MYH10: variants seen among roughly 807,000 people sequenced by gnomAD.
MYH10 encodes myosin heavy chain 10, also known as myosin-10.
MYH10 carries 55 observed loss-of-function variants against 257.8 expected under a neutral mutation model. The ratio of observed to expected loss-of-function variants is 0.21; its 90% CI spans 0.17 to 0.27. The LOEUF (loss-of-function observed/expected upper bound fraction) is 0.27, where lower values mean the gene tolerates loss of function less well. Among genes scored for constraint, MYH10 ranks in the 10% least tolerant of loss-of-function variants. MYH10 has a pLI of 1.00. For missense variants in MYH10, 1,631 were observed against 2,500.6 expected, an observed-to-expected ratio of 0.65 and a Z score of 7.42; for synonymous variants, 854 against 921.7, an observed-to-expected ratio of 0.93 and a Z score of 1.33.
At position 8,518,660 on chromosome 17, in the gene MYH10, C is replaced by T. The variant is rs999413498; in HGVS notation, c.2475G>A (p.Gln825=). The T allele has an allele frequency of 1.2e-6, 2 of 1,613,638 alleles. No homozygotes were observed. Among genetic ancestry groups the T allele is most frequent in the East Asian group, 2.2e-5 (1 of 44,884 alleles). ...TGGCCAGGTAACCTCTGCAAACGGC[C>T]TGGAAGAAGATAATGATATCGGTGA... ...LKITDIIIFF[Q]AVCRGYLARK... The change falls in exon 21 of 43, where the codon CAG becomes CAA. Residue 825 remains glutamine, a synonymous_variant. Coordinates refer to ENST00000360416, the MANE Select transcript of MYH10 (RefSeq NM_001256012.3).
Position 8,484,230 on chromosome 17 carries a change from C to T in MYH10, c.5083G>A (p.Ala1695Thr). The T allele has an allele frequency of 6.2e-7, 1 of 1,613,010 alleles. No individual in the cohort carries two copies. Among genetic ancestry groups the T allele is most frequent in the Non-Finnish European group, 8.5e-7 (1 of 1,179,558 alleles). ...MKDYQRELEE[A>T]RASRDEIFAQ... ...AAAATCTCATCTCTGGATGCACGAG[C>T]TTCTTCTAATTCACGTTGGTAATCC... The change falls in exon 37 of 43, where the codon GCT becomes ACT. Residue 1695 changes from alanine (A) to threonine (T), a missense_variant. Ala to Thr is a moderately conservative substitution (Grantham distance 58). Coordinates refer to ENST00000360416, the MANE Select transcript of MYH10 (RefSeq NM_001256012.3).
intron 7 of MYH10, chr17:8,561,143 A>G (rs2082979186): frequency 1.6e-6 from 1 of 624,150 alleles, no homozygotes; most frequent in Non-Finnish European, 2.8e-6. Context: ...GGATTATAAA[A>G]TAAAAACTCA....
chr17:8,595,071 T>A (rs1340207650), intron 3 of MYH10, among the ~76,000 whole-genome samples: 1 of 152,174 alleles, frequency 6.6e-6, no homozygotes, highest in Non-Finnish European at 1.5e-5. Flanking sequence ...TATAATGGAC[T>A]ATTACTCAGC....
rs138894418 is a variant in MYH10 at position 8,485,457 on chromosome 17, C to CTT, written c.5047-1193_5047-1192dup. The stretch of plus-strand genomic sequence containing the variant: ...AATAAACTATCAAAACCCAAGCTGG[C>CTT]TTTTTTTTTTTTTTTTTTTGGTGGC... On this transcript the variant is annotated intron_variant, in intron 36 of 42. Coordinates refer to ENST00000360416, the MANE Select transcript of MYH10 (RefSeq NM_001256012.3). 6.3e-3 allele frequency among the ~76,000 whole-genome samples: 769 copies of CTT among 121,118 alleles called. 10 individuals are homozygous for CTT. The highest frequency in any genetic ancestry group is 0.032 in the Middle Eastern group (7 of 222). 79.5% of individuals were successfully genotyped at this position (121,118 alleles called of 152,430 possible).
intron 25 of MYH10, among the ~76,000 whole-genome samples, chr17:8,509,580 C>A (rs936928630): frequency 1.3e-5 from 2 of 152,132 alleles, no homozygotes; most frequent in African/African-American, 4.8e-5. Context: ...ACAAACTGCA[C>A]ATGTTACAAG....
At chr17:8,560,098 T>A (rs973461034) in intron 7 of MYH10, among the ~76,000 whole-genome samples, 8 of 152,338 alleles carry the variant, frequency 5.3e-5, no homozygotes, top group Admixed American at 2.6e-4. Context: ...TCCAGTAATA[T>A]AAACTTTTAG....
intron 23 of MYH10, among the ~76,000 whole-genome samples, chr17:8,512,993 G>C (rs1332644133): frequency 6.6e-6 from 1 of 152,158 alleles, no homozygotes; most frequent in Non-Finnish European, 1.5e-5. Flanking sequence ...TGCCTGTTTG[G>C]TAGTAAGTGA....
At chr17:8,514,035 G>A (rs2081382350) in intron 21 of MYH10, 141 bp from the exon 22 acceptor site, 6 of 767,994 alleles carry the variant, frequency 7.8e-6, no homozygotes, top group Admixed American at 2.7e-5. Flanking sequence ...TGGGTGAGAC[G>A]CACAAGGAAG....
In MYH10 at chr17:8,495,870, C is replaced by T. The variant is rs188262017; in HGVS notation, c.3952-629G>A. Among the ~76,000 whole-genome samples, 632 of 152,110 alleles carry T rather than the reference C, an allele frequency of 4.2e-3. 6 individuals are homozygous for T. Among genetic ancestry groups the T allele is most frequent in the African/African-American group, 0.014 (580 of 41,512 alleles). ...GATTACAGGCGCTTGCTACCGCGCC[C>T]GTCTAATTTTTTGTATCTTTAGTAG... On this transcript the variant is annotated intron_variant, in intron 30 of 42. Transcript: ENST00000360416.
intron 11 of MYH10, 116 bp from the exon 12 acceptor site, chr17:8,546,778 A>C (rs1360006105): frequency 1.5e-6 from 1 of 683,606 alleles, no homozygotes; most frequent in African/African-American, 1.8e-5. Context: ...AGAAATAAAT[A>C]AAAGTCTTAA....
intron 38 of MYH10, 190 bp from the exon 39 acceptor site, chr17:8,480,715 C>T: frequency 1.4e-6 from 1 of 704,640 alleles, no homozygotes; most frequent in Non-Finnish European, 2.4e-6. Flanking sequence ...CCCTCCCCCG[C>T]TGCCACCACC....
intron 35 of MYH10, 97 bp from the exon 36 acceptor site, chr17:8,487,691 G>A: frequency 7.2e-7 from 1 of 1,391,202 alleles, no homozygotes; most frequent in Non-Finnish European, 1.0e-6. Context: ...TTACTCGGGT[G>A]AGTGGAAACT....
At chr17:8,592,364 T>C (rs1448717564) in intron 3 of MYH10, among the ~76,000 whole-genome samples, 1 of 152,092 alleles carries the variant, frequency 6.6e-6, no homozygotes, top group African/African-American at 2.4e-5. Flanking sequence ...CAAATGTTCC[T>C]TCTTTGAGAA....
intron 2 of MYH10, among the ~76,000 whole-genome samples, chr17:8,618,512 T>TCCC (rs1315233263): frequency 6.6e-6 from 1 of 152,234 alleles, no homozygotes; most frequent in African/African-American, 2.4e-5. Context: ...GTGCTGGGAT[T>TCCC]ACAGGCGTTA....
In MYH10 at chr17:8,514,833, T is replaced by C. The variant is rs541463777; in HGVS notation, c.2505-939A>G. ...TGCATTTTAGATCTTGACAAAGGAC[T>C]CCCAGACTCAGAACTTAGCGGCTTT... On this transcript the variant is annotated intron_variant, in intron 21 of 42. Transcript: ENST00000360416. Among the ~76,000 whole-genome samples, 19 of 152,284 alleles carry C rather than the reference T, an allele frequency of 1.2e-4. No homozygotes were observed. In the South Asian group the frequency reaches 3.9e-3, roughly 32 times the overall value.
At chr17:8,550,290 T>C (rs911602873) in intron 9 of MYH10, among the ~76,000 whole-genome samples, 3 of 151,564 alleles carry the variant, frequency 2.0e-5, no homozygotes, top group African/African-American at 7.3e-5. Context: ...GAGGAGCGTC[T>C]CTGCCCGGCC....
At position 8,545,647 on chromosome 17, in the gene MYH10, A is replaced by C. The variant is rs771702645; in HGVS notation, c.1279-47T>G. ...CTTTTATTCTGGAAACAATCTCAAC[A>C]AAGCATAAATAGCTGTTTTACGGAA... On this transcript the variant is annotated intron_variant, in intron 12 of 42. Coordinates refer to ENST00000360416, the MANE Select transcript of MYH10 (RefSeq NM_001256012.3). This position sits in a 1 kb window ranked among gnomAD's most constrained non-coding sequence, Gnocchi z 4.7. 1.9e-6 allele frequency: 3 copies of C among 1,585,694 alleles called. No homozygotes were observed. The East Asian group carries it at 6.7e-5, about 36-fold the overall frequency.
chr17:8,599,556 C>A (rs969069812), intron 3 of MYH10, among the ~76,000 whole-genome samples: 16 of 152,192 alleles, frequency 1.1e-4, no homozygotes, highest in African/African-American at 3.9e-4. Context: ...CTCCTCCTCA[C>A]TCTCAGCTGA....
chr17:8,591,606 A>T (rs971195812), intron 3 of MYH10, among the ~76,000 whole-genome samples: 6 of 152,238 alleles, frequency 3.9e-5, no homozygotes, highest in African/African-American at 1.4e-4. Flanking sequence ...TAGTTTACAC[A>T]TTAAAGAAAT....
Sources: allele counts gnomAD v4.1 joint callset (sites outside exome capture counted in the v4.1 genomes callset), GRCh38; gene constraint gnomAD v4.1.1; non-coding constraint Gnocchi (gnomAD v3.1); transcripts MANE v1.5; gene names NCBI Gene and HGNC (gene_info 2026-07-23, HGNC 2026-07-21).